PCDH15: variants seen among roughly 807,000 people sequenced by gnomAD.
PCDH15 encodes the protein protocadherin related 15.
Under a neutral mutation model 178.5 loss-of-function variants are expected in PCDH15, and 129 were observed. The observed-to-expected ratio is 0.72, with a 90% CI of 0.63 to 0.84. The LOEUF is 0.84. Among genes scored for constraint, PCDH15 ranks in the 40% least tolerant of loss-of-function variants. The probability of loss-of-function intolerance (pLI) is 0.00; values close to 1 mark genes in which losing one functional copy is unlikely to be tolerated. For synonymous variants in PCDH15, 800 were observed against 732.0 expected (o/e 1.09, Z -1.50); for missense variants, 2,230 against 2,099.9 (o/e 1.06, Z -1.21).
In PCDH15 at chr10:54,421,895, C is replaced by CTATA. The variant is rs1413869497; in HGVS notation, c.158-42957_158-42954dup. 1.1e-4 allele frequency among the ~76,000 whole-genome samples: 7 copies of CTATA among 61,588 alleles called. 1 individual carries two copies. Among genetic ancestry groups the CTATA allele is most frequent in the African/African-American group, 5.7e-4 (7 of 12,194 alleles). The allele number at this position is 61,588 out of a possible 152,430, so 40.4% of individuals were successfully genotyped here. A position where few individuals can be genotyped will look rare whatever the true frequency, so the allele number is the denominator to read the frequency against. ...CTATATATATATATACACACACACA[C>CTATA]TATATATATATATACACTATATATA... On this transcript the variant is annotated intron_variant, in intron 3 of 37. Coordinates refer to ENST00000644397, the MANE Select transcript of PCDH15 (RefSeq NM_001384140.1).
At chr10:55,620,559 T>C (rs1389670416) in intron 2 of PCDH15, among the ~76,000 whole-genome samples, 2 of 152,014 alleles carry the variant, frequency 1.3e-5, no homozygotes, top group African/African-American at 4.8e-5. Flanking sequence ...TTACATTTAC[T>C]TATTATAACT....
At chr10:55,373,233 T>C (rs536927006) in intron 2 of PCDH15, among the ~76,000 whole-genome samples, 3 of 152,278 alleles carry the variant, frequency 2.0e-5, no homozygotes, top group South Asian at 4.1e-4. Context: ...TATGTAGCTA[T>C]ATACAAAGAT....
At chr10:54,626,311 T>G (rs2093548789) in intron 2 of PCDH15, among the ~76,000 whole-genome samples, 1 of 152,046 alleles carries the variant, frequency 6.6e-6, no homozygotes, top group South Asian at 2.1e-4. Flanking sequence ...ATAGGGGAAA[T>G]GTCTCCAGGG....
intron 1 of PCDH15, among the ~76,000 whole-genome samples, chr10:54,688,863 G>C (rs769750586): frequency 3.3e-5 from 5 of 152,044 alleles, no homozygotes. Context: ...AAGAACCAAA[G>C]CTTTACTTGT....
chr10:55,051,300 A>C (rs1174420245), intron 2 of PCDH15, among the ~76,000 whole-genome samples: 1 of 152,178 alleles, frequency 6.6e-6, no homozygotes, highest in African/African-American at 2.4e-5. Context: ...AGAAATAGGT[A>C]TAGTCTCTAA....
At chr10:54,258,178 T>A (rs1644021746) in intron 8 of PCDH15, among the ~76,000 whole-genome samples, 1 of 152,106 alleles carries the variant, frequency 6.6e-6, no homozygotes, top group African/African-American at 2.4e-5. Flanking sequence ...ACACAGCAAA[T>A]CCTGTATAGC....
At chr10:54,419,722 A>T (rs1222468016) in intron 3 of PCDH15, among the ~76,000 whole-genome samples, 5 of 152,110 alleles carry the variant, frequency 3.3e-5, no homozygotes, top group Non-Finnish European at 4.4e-5. Flanking sequence ...AATTCCCCTT[A>T]AAGCAGAATT....
intron 1 of PCDH15, among the ~76,000 whole-genome samples, chr10:54,755,414 C>CA (rs1352351818): frequency 1.3e-5 from 2 of 152,136 alleles, no homozygotes; most frequent in East Asian, 3.8e-4. Flanking sequence ...TAAAATACTG[C>CA]AAACATTTAC....
chr10:54,751,681 TTC>T lies in PCDH15; in HGVS notation c.-29+49242_-29+49243del, dbSNP rs1946242838. Among the ~76,000 whole-genome samples the T allele has an allele frequency of 2.0e-5, 3 of 152,012 alleles. No individual in the cohort carries two copies. In the South Asian group the frequency reaches 6.2e-4, roughly 31 times the overall value. Reference sequence around the variant, plus strand: ...CTTCTTTGAATCCATTTCTAGAGCTTTCTGTGTTACATCAAGAAAACAGATTT... The same window carrying T: ...CTTCTTTGAATCCATTTCTAGAGCTTTGTGTTACATCAAGAAAACAGATTT... On this transcript the variant is annotated intron_variant, in intron 1 of 37. Coordinates refer to ENST00000644397, the MANE Select transcript of PCDH15 (RefSeq NM_001384140.1).
At chr10:55,073,820 A>G (rs938407871) in intron 2 of PCDH15, among the ~76,000 whole-genome samples, 3 of 151,944 alleles carry the variant, frequency 2.0e-5, no homozygotes, top group African/African-American at 7.2e-5. Context: ...ATTTATTCTC[A>G]CTACTTCTTT....
At chr10:54,213,353 C>T (rs1423685677) in intron 10 of PCDH15, among the ~76,000 whole-genome samples, 1 of 151,904 alleles carries the variant, frequency 6.6e-6, no homozygotes, top group Admixed American at 6.6e-5. Flanking sequence ...TATAGATATA[C>T]TATTAAACCA....
rs141605395 is a variant in PCDH15, at chr10:54,309,668, T to G, written c.876+7603A>C. Among the ~76,000 whole-genome samples, 136 of 151,940 alleles carry G rather than the reference T, an allele frequency of 9.0e-4. No homozygotes were observed. The East Asian group carries it at 0.019, about 22-fold the overall frequency. Reference sequence around the variant, plus strand: ...AAAATTAGCCGGGTGTGGTGGCACATGCTGGTAGTCTCAGCTACTTGGGAG... The same window carrying G: ...AAAATTAGCCGGGTGTGGTGGCACAGGCTGGTAGTCTCAGCTACTTGGGAG... On this transcript the variant is annotated intron_variant, in intron 8 of 37. Coordinates refer to ENST00000644397, the MANE Select transcript of PCDH15 (RefSeq NM_001384140.1).
intron 1 of PCDH15, among the ~76,000 whole-genome samples, chr10:55,310,294 G>A (rs1047516039): frequency 1.3e-5 from 2 of 151,610 alleles, no homozygotes; most frequent in African/African-American, 4.9e-5. Context: ...ACACATAATG[G>A]GTTCTTAATA....
chr10:54,416,287 C>G (rs1326921318), intron 3 of PCDH15, among the ~76,000 whole-genome samples: 1 of 152,108 alleles, frequency 6.6e-6, no homozygotes, highest in Non-Finnish European at 1.5e-5. Flanking sequence ...CTCCCCACCC[C>G]CCAAAAGGCC....
intron 17 of PCDH15, among the ~76,000 whole-genome samples, chr10:54,076,472 C>G (rs186309896): frequency 1.3e-5 from 2 of 152,156 alleles, no homozygotes; most frequent in East Asian, 1.9e-4. Context: ...CTTTCTCTCT[C>G]TCTCTTTTCT....
At chr10:55,487,822 T>C (rs1418778987) in intron 2 of PCDH15, among the ~76,000 whole-genome samples, 1 of 151,654 alleles carries the variant, frequency 6.6e-6, no homozygotes, top group African/African-American at 2.4e-5. Context: ...ATAATGACTA[T>C]ACCTATCACA....
chr10:54,151,826 A>G (rs960552462), intron 14 of PCDH15, among the ~76,000 whole-genome samples: 8 of 152,170 alleles, frequency 5.3e-5, no homozygotes, highest in African/African-American at 1.7e-4. Context: ...ATTTAAAGTC[A>G]AAGAGAAAAC....
intron 2 of PCDH15, among the ~76,000 whole-genome samples, chr10:55,163,708 G>A (rs1339193115): frequency 1.3e-5 from 2 of 152,216 alleles, no homozygotes; most frequent in African/African-American, 2.4e-5. Flanking sequence ...TAATTATAAT[G>A]CATTAGCATG....
At chr10:55,037,864 T>G (rs949145924) in intron 2 of PCDH15, among the ~76,000 whole-genome samples, 2 of 152,220 alleles carry the variant, frequency 1.3e-5, no homozygotes, top group African/African-American at 4.8e-5. Context: ...TAGTGTTATC[T>G]TGGAATGAAA....
Sources: gnomAD v4.1 joint callset for allele counts (sites outside exome capture counted in the v4.1 genomes callset) on GRCh38, gnomAD v4.1.1 for gene constraint, MANE v1.5 for transcripts, NCBI Gene and HGNC (gene_info 2026-07-23, HGNC 2026-07-21) for gene names.